GPD2: variants seen among roughly 807,000 people sequenced by gnomAD.
GPD2 encodes glycerol-3-phosphate dehydrogenase, mitochondrial.
Under a neutral mutation model 82.4 loss-of-function variants are expected in GPD2, and 54 were observed. The observed-to-expected ratio is 0.66, with a 90% CI of 0.53 to 0.82. The LOEUF is 0.82. Among genes scored for constraint, GPD2 ranks in the 40% least tolerant of loss-of-function variants. The pLI is 0.00. For missense variants in GPD2, 748 were observed against 896.2 expected (o/e 0.83, Z 2.11); for synonymous variants, 288 against 306.1 (o/e 0.94, Z 0.62).
chr2:156,477,678 T>G (rs1683561099), intron 2 of GPD2, among the ~76,000 whole-genome samples: 1 of 152,204 alleles, frequency 6.6e-6, no homozygotes, highest in African/African-American at 2.4e-5. Flanking sequence ...CACATAATCA[T>G]TATACATATT....
At chr2:156,486,359 C>T (rs1455154187) in intron 2 of GPD2, among the ~76,000 whole-genome samples, 1 of 152,218 alleles carries the variant, frequency 6.6e-6, no homozygotes, top group African/African-American at 2.4e-5. Context: ...TTCTATAGGT[C>T]ACTCAGTGAG....
intron 6 of GPD2, among the ~76,000 whole-genome samples, chr2:156,539,913 T>G (rs1483727773): frequency 6.8e-6 from 1 of 146,526 alleles, no homozygotes; most frequent in Non-Finnish European, 1.5e-5. Flanking sequence ...AAATTGCAAT[T>G]TATAAAATTG....
chr2:156,528,831 T>C (rs1188868832), intron 6 of GPD2, among the ~76,000 whole-genome samples: 1 of 152,174 alleles, frequency 6.6e-6, no homozygotes, highest in Non-Finnish European at 1.5e-5. Context: ...CTTAATCCAG[T>C]CTATCATTGT....
At chr2:156,581,610 C>G (rs1688027036) in intron 16 of GPD2, among the ~76,000 whole-genome samples, 1 of 151,998 alleles carries the variant, frequency 6.6e-6, no homozygotes, top group Non-Finnish European at 1.5e-5. Flanking sequence ...AGACTAAGAG[C>G]CCATGTTTAT....
intron 13 of GPD2, among the ~76,000 whole-genome samples, chr2:156,575,428 G>C (rs1687784630): frequency 7.0e-6 from 1 of 143,198 alleles, no homozygotes; most frequent in African/African-American, 2.6e-5. Context: ...TTTGAGACAA[G>C]GTCTTGCTAT....
chr2:156,419,028 G>A, the GPD2 span, among the ~76,000 whole-genome samples: 14 of 150,440 alleles, frequency 9.3e-5, no homozygotes, highest in East Asian at 2.1e-3. Context: ...GCCATATTTC[G>A]GGATACTATT....
chr2:156,454,648 T>G (rs189405869), intron 1 of GPD2, among the ~76,000 whole-genome samples: 2 of 152,188 alleles, frequency 1.3e-5, no homozygotes, highest in Admixed American at 1.3e-4. Context: ...GAAGAGAATT[T>G]AATGGAATTT....
At position 156,496,234 on chromosome 2, in the gene GPD2, TA is replaced by T. The variant is rs777258380; in HGVS notation, c.274+20del. 8 of 1,523,352 alleles carry T rather than the reference TA, an allele frequency of 5.3e-6. No individual in the cohort carries two copies. The South Asian group carries it at 5.7e-5, about 11-fold the overall frequency. The allele number at this position is 1,523,352 out of a possible 1,614,324, so 94.4% of individuals were successfully genotyped here. On this transcript the variant is annotated intron_variant, in intron 3 of 16. Transcript: ENST00000438166. ...ACCAGAGGTAAGTCTTTTTTTTTTT[TA>T]TTTTAATTTTAAGTTCTGGGGTACA...
intron 13 of GPD2, among the ~76,000 whole-genome samples, chr2:156,574,592 A>AT (rs11314446): frequency 2.9e-4 from 43 of 150,070 alleles, no homozygotes; most frequent in African/African-American, 7.6e-4. Context: ...ACAAAAATAC[A>AT]TTTTTTTTTT....
chr2:156,560,876 G>T (rs998720734), intron 9 of GPD2, among the ~76,000 whole-genome samples: 4 of 151,828 alleles, frequency 2.6e-5, no homozygotes, highest in African/African-American at 9.7e-5. Context: ...ATAGTTATAT[G>T]CCTCATTTTT....
chr2:156,479,320 G>GTATT (rs1164501304), intron 2 of GPD2, among the ~76,000 whole-genome samples: 3 of 152,218 alleles, frequency 2.0e-5, no homozygotes, highest in African/African-American at 7.2e-5. Context: ...GTAGGTGGGA[G>GTATT]AATAGAGGCC....
At chr2:156,494,203 A>C (rs1307121688) in intron 2 of GPD2, among the ~76,000 whole-genome samples, 1 of 152,216 alleles carries the variant, frequency 6.6e-6, no homozygotes, top group Non-Finnish European at 1.5e-5. Flanking sequence ...TTAGTAAAAC[A>C]TGTTTTGAAA....
chr2:156,462,828 A>G (rs2105178586), intron 1 of GPD2, among the ~76,000 whole-genome samples: 2 of 152,342 alleles, frequency 1.3e-5, no homozygotes, highest in Middle Eastern at 6.8e-3. Context: ...TATTTGAAAC[A>G]GTTAAACTAA....
At chr2:156,569,037 C>A (rs1195036303) in intron 10 of GPD2, 78 bp downstream of exon 10, 21 of 1,270,114 alleles carry the variant, frequency 1.7e-5, no homozygotes, top group Non-Finnish European at 2.2e-5. Flanking sequence ...CCATGTTGCC[C>A]AGGAGGGTCT....
rs76606807 is a variant in GPD2 at position 156,583,657 on chromosome 2, C to A, written c.*739C>A. The stretch of plus-strand genomic sequence containing the variant: ...CAGTGATAGTTTCATCTCAGCAGTT[C>A]ATTTTTTTCTTCAGTCACTGCTGGT... On this transcript the variant is annotated 3_prime_UTR_variant, in exon 17 of 17. Transcript: ENST00000438166. The A allele has an allele frequency of 6.6e-6, 1 of 152,492 alleles. No individual in the cohort carries two copies. Among genetic ancestry groups the A allele is most frequent in the African/African-American group, 2.4e-5 (1 of 41,410 alleles). The allele number at this position is 152,492 out of a possible 1,614,324, so 9.4% of individuals were successfully genotyped here. A position where few individuals can be genotyped will look rare whatever the true frequency, so the allele number is the denominator to read the frequency against.
intron 6 of GPD2, among the ~76,000 whole-genome samples, chr2:156,528,419 T>TTTTA (rs547436852): frequency 1.1e-4 from 17 of 151,462 alleles, no homozygotes; most frequent in East Asian, 3.9e-4. Flanking sequence ...TCTTTTTTTC[T>TTTTA]TTTATTTATT....
intron 6 of GPD2, among the ~76,000 whole-genome samples, chr2:156,521,282 C>A (rs145465724): frequency 3.6e-4 from 55 of 152,202 alleles, no homozygotes; most frequent in African/African-American, 1.3e-3. Flanking sequence ...GTAAGCATTG[C>A]AATCATACTA....
intron 6 of GPD2, among the ~76,000 whole-genome samples, chr2:156,527,265 CTG>C (rs1169346834): frequency 6.6e-6 from 1 of 151,772 alleles, no homozygotes; most frequent in Admixed American, 6.6e-5. Flanking sequence ...AAAAAAAAAA[CTG>C]TGAAAAAAAG....
At chr2:156,459,769 G>A (rs1170609855) in intron 1 of GPD2, among the ~76,000 whole-genome samples, 1 of 151,080 alleles carries the variant, frequency 6.6e-6, no homozygotes, top group African/African-American at 2.4e-5. Context: ...TTGAAGTCCA[G>A]GGAAGTCTGA....
Sources: allele counts gnomAD v4.1 joint callset (sites outside exome capture counted in the v4.1 genomes callset), GRCh38; gene constraint gnomAD v4.1.1; transcripts MANE v1.5; gene names NCBI Gene and HGNC (gene_info 2026-07-23, HGNC 2026-07-21).